Variants in AKAP7 observed in about 807,000 individuals in gnomAD.
AKAP7 encodes A kinase (PRKA) anchor protein 7.
AKAP7 carries 39 observed loss-of-function variants against 39.5 expected under a neutral mutation model. The ratio of observed to expected loss-of-function variants is 0.99; its 90% confidence interval spans 0.76 to 1.29. The LOEUF (loss-of-function observed/expected upper bound fraction) is 1.29, where lower values mean the gene tolerates loss of function less well. Ranked by LOEUF, AKAP7 falls within the 50% of genes most tolerant of loss-of-function variation. The probability of loss-of-function intolerance (pLI) is 0.00; values close to 1 mark genes in which losing one functional copy is unlikely to be tolerated. For missense variants in AKAP7, 414 were observed against 407.7 expected (o/e 1.02, Z -0.13); for synonymous variants, 140 against 139.1 (o/e 1.01, Z -0.05).
chr6:131,195,851 T>A (rs1204234510), intron 5 of AKAP7, among the ~76,000 whole-genome samples: 2 of 152,208 alleles, frequency 1.3e-5, no homozygotes, highest in African/African-American at 4.8e-5. Flanking sequence ...TGCTTCTTTT[T>A]ACTTGCTGCT....
intron 7 of AKAP7, among the ~76,000 whole-genome samples, chr6:131,244,804 G>A (rs1355048368): frequency 2.0e-5 from 3 of 151,934 alleles, no homozygotes; most frequent in Non-Finnish European, 4.4e-5. Flanking sequence ...GCTGTATATG[G>A]CATCTTATGC....
At chr6:131,250,331 T>C in intron 7 of AKAP7, 1 of 1,333,656 alleles carries the variant, frequency 7.5e-7, no homozygotes, top group Non-Finnish European at 9.7e-7. Flanking sequence ...TGAATGCCAG[T>C]CCCAGAGCAG....
intron 6 of AKAP7, among the ~76,000 whole-genome samples, chr6:131,211,819 A>G (rs10457568): frequency 0.12 from 17,499 of 151,332 alleles, 1,185 homozygotes; most frequent in Admixed American, 0.19. Context: ...TAATCCCTGT[A>G]ATTCTATACA....
At chr6:131,127,031 T>C in the AKAP7 span, among the ~76,000 whole-genome samples, 20,115 of 140,582 alleles carry the variant, frequency 0.14, 1,682 homozygotes, top group South Asian at 0.2. Flanking sequence ...AGTTCTTTTG[T>C]TTCATTTTGC....
At chr6:131,276,073 G>C (rs1814715244) in intron 7 of AKAP7, among the ~76,000 whole-genome samples, 1 of 152,178 alleles carries the variant, frequency 6.6e-6, no homozygotes, top group Admixed American at 6.5e-5. Context: ...GGGACATACA[G>C]TGTAGCAGTC....
Position 131,281,493 on chromosome 6 carries a change from G to A in AKAP7, c.851-37G>A, listed in dbSNP as rs2128341433. ...GCATGCCAAGTTTCTATGGCAATGT[G>A]ATCTCAGTGACCTCTCTTCTCTATT... On this transcript the variant is annotated intron_variant, in intron 7 of 7. Coordinates refer to ENST00000431975, the MANE Select transcript of AKAP7 (RefSeq NM_016377.4). This position sits in a 1 kb window ranked among gnomAD's most constrained non-coding sequence, Gnocchi z 4.0. The A allele has an allele frequency of 6.6e-7, 1 of 1,506,782 alleles. No individual in the cohort carries two copies. The allele number at this position is 1,506,782 out of a possible 1,614,324, so 93.3% of individuals were successfully genotyped here. A position where few individuals can be genotyped will look rare whatever the true frequency, so the allele number is the denominator to read the frequency against.
intron 7 of AKAP7, among the ~76,000 whole-genome samples, chr6:131,232,349 A>G (rs1810693381): frequency 6.6e-6 from 1 of 152,196 alleles, no homozygotes; most frequent in African/African-American, 2.4e-5. Context: ...TGTGAATGAA[A>G]TTCTTAGTGT....
intron 7 of AKAP7, among the ~76,000 whole-genome samples, chr6:131,262,005 G>A (rs1365281821): frequency 6.6e-6 from 1 of 152,128 alleles, no homozygotes; most frequent in African/African-American, 2.4e-5. Context: ...AGACCTTTGA[G>A]GAGAGGTTAC....
At chr6:131,232,886 C>T (rs1810743017) in intron 7 of AKAP7, among the ~76,000 whole-genome samples, 1 of 151,030 alleles carries the variant, frequency 6.6e-6, no homozygotes, top group Non-Finnish European at 1.5e-5. Flanking sequence ...AACATCAGAA[C>T]ATCAGTTTTC....
intron 2 of AKAP7, among the ~76,000 whole-genome samples, chr6:131,155,794 T>C (rs1226149541): frequency 2.6e-5 from 4 of 152,214 alleles, no homozygotes; most frequent in African/African-American, 4.8e-5. Flanking sequence ...TTAACACCAC[T>C]GAAGTTTATT....
chr6:131,273,619 G>A (rs1436902583), intron 7 of AKAP7, among the ~76,000 whole-genome samples: 1 of 152,092 alleles, frequency 6.6e-6, no homozygotes, highest in East Asian at 1.9e-4. Flanking sequence ...ATCTTTGTGT[G>A]CTATTGTTGC....
chr6:131,281,745 C>A lies in AKAP7; in HGVS notation c.*19C>A. The A allele has an allele frequency of 6.3e-7, 1 of 1,576,096 alleles. No homozygotes were observed. Among genetic ancestry groups the A allele is most frequent in the Admixed American group, 1.8e-5 (1 of 56,376 alleles). On this transcript the variant is annotated 3_prime_UTR_variant, in exon 8 of 8. Transcript: ENST00000431975. This position sits in a 1 kb window ranked among gnomAD's most constrained non-coding sequence, Gnocchi z 4.0. ...GAAATGAGCCCGGAACGCAGGCCCCCATGTCTCTGTGCAAAGCCTCCCTGC... is the reference window on the plus strand; with the variant it reads ...GAAATGAGCCCGGAACGCAGGCCCCAATGTCTCTGTGCAAAGCCTCCCTGC...
rs1389424978 is a variant in AKAP7 at position 131,283,479 on chromosome 6, T to A, written c.*1753T>A. 1.3e-5 allele frequency: 2 copies of A among 152,312 alleles called. No homozygotes were observed. Among genetic ancestry groups the A allele is most frequent in the Non-Finnish European group, 2.9e-5 (2 of 68,050 alleles). The allele number at this position is 152,312 out of a possible 1,614,324, so 9.4% of individuals were successfully genotyped here. A position where few individuals can be genotyped will look rare whatever the true frequency, so the allele number is the denominator to read the frequency against. ...CTGGGTAAATTATACTACATTTATT[T>A]ACAAATGAGTTTATGCATTTTCATG... On this transcript the variant is annotated 3_prime_UTR_variant, in exon 8 of 8. Coordinates refer to ENST00000431975, the MANE Select transcript of AKAP7 (RefSeq NM_016377.4).
chr6:131,144,824 A>C (rs1316609572), intron 1 of AKAP7, among the ~76,000 whole-genome samples: 1 of 152,240 alleles, frequency 6.6e-6, no homozygotes, highest in Non-Finnish European at 1.5e-5. Flanking sequence ...GTTAAATATA[A>C]TGATGGAGAG....
At chr6:131,179,846 G>A (rs1466022220) in intron 5 of AKAP7, among the ~76,000 whole-genome samples, 1 of 151,692 alleles carries the variant, frequency 6.6e-6, no homozygotes, top group African/African-American at 2.4e-5. Flanking sequence ...TCCAGCCTGG[G>A]TGACAGAAAA....
chr6:131,165,769 C>T (rs549651791), intron 4 of AKAP7, among the ~76,000 whole-genome samples: 28 of 152,258 alleles, frequency 1.8e-4, no homozygotes, highest in African/African-American at 6.5e-4. Flanking sequence ...AGGGTTCTGC[C>T]ATAAAGGTTG....
intron 7 of AKAP7, among the ~76,000 whole-genome samples, chr6:131,265,721 T>C (rs913466454): frequency 1.3e-5 from 2 of 152,136 alleles, no homozygotes; most frequent in Non-Finnish European, 2.9e-5. Flanking sequence ...ATGGCAAAAG[T>C]GTGATGTTTT....
intron 2 of AKAP7, among the ~76,000 whole-genome samples, chr6:131,148,418 T>C (rs988303084): frequency 6.6e-6 from 1 of 152,188 alleles, no homozygotes; most frequent in African/African-American, 2.4e-5. Context: ...TTTTACGTTT[T>C]GGTTACTTCA....
chr6:131,260,030 G>C (rs940165611), intron 7 of AKAP7, among the ~76,000 whole-genome samples: 2 of 151,886 alleles, frequency 1.3e-5, no homozygotes, highest in Non-Finnish European at 2.9e-5. Context: ...GCCCCTACTT[G>C]TAAGTGAGAA....
Sources: gnomAD v4.1 joint callset for allele counts (sites outside exome capture counted in the v4.1 genomes callset) on GRCh38, gnomAD v4.1.1 for gene constraint, Gnocchi (gnomAD v3.1) non-coding constraint, MANE v1.5 for transcripts, NCBI Gene and HGNC (gene_info 2026-07-23, HGNC 2026-07-21) for gene names.